OPN4: variants seen among roughly 807,000 people sequenced by gnomAD.
OPN4 encodes the protein opsin 4, also known as melanopsin.
A neutral mutation model predicts 49.5 loss-of-function variants in OPN4; 43 were observed. That is an observed-to-expected ratio of 0.87 (90% CI 0.68 to 1.12). OPN4 has a LOEUF of 1.12. OPN4 is among the 50% of genes most tolerant of loss of function. The pLI, the probability that OPN4 is intolerant of heterozygous loss-of-function variation, is 0.00. For synonymous variants in OPN4, 263 were observed against 258.0 expected (o/e 1.02, Z -0.19); for missense variants, 657 against 643.9 (o/e 1.02, Z -0.22).
chr10:86,659,681 G>A (rs1246198362), intron 5 of OPN4, among the ~76,000 whole-genome samples: 3 of 152,218 alleles, frequency 2.0e-5, no homozygotes, highest in African/African-American at 7.2e-5. Flanking sequence ...AGAGGGAGGA[G>A]AGAAGGCACA....
chr10:86,660,943 A>G (rs781689558), intron 6 of OPN4, among the ~76,000 whole-genome samples: 1 of 152,192 alleles, frequency 6.6e-6, no homozygotes, highest in Non-Finnish European at 1.5e-5. Flanking sequence ...CCTGGCCAAA[A>G]TGGTGAAACC....
At chr10:86,657,364 G>A (rs1236495093) in intron 2 of OPN4, 2 of 664,778 alleles carry the variant, frequency 3.0e-6, no homozygotes, top group Non-Finnish European at 2.8e-6. Context: ...TAGATGCAAA[G>A]ATGGATGATG....
rs551279199 is a variant in OPN4 at position 86,666,009 on chromosome 10, C to T, written c.*258C>T. The stretch of plus-strand genomic sequence containing the variant: ...CAGCCTGAGGGGTATGTGCCCAGGC[C>T]CTCCCACTTCCCGAGTTGTCTGCCT... On this transcript the variant is annotated 3_prime_UTR_variant, in exon 10 of 10. Coordinates refer to ENST00000241891, the MANE Select transcript of OPN4 (RefSeq NM_033282.4). 27 of 528,090 alleles carry T rather than the reference C, an allele frequency of 5.1e-5. No homozygotes were observed. The highest frequency in any genetic ancestry group is 4.2e-4 in the African/African-American group (22 of 52,188). The allele number at this position is 528,090 out of a possible 1,614,324, so 32.7% of individuals were successfully genotyped here.
At chr10:86,664,932 C>T (rs925805661) in intron 9 of OPN4, among the ~76,000 whole-genome samples, 4 of 152,188 alleles carry the variant, frequency 2.6e-5, no homozygotes, top group East Asian at 1.9e-4. Flanking sequence ...ATGTGATAAG[C>T]GCTGCCATTG....
intron 9 of OPN4, among the ~76,000 whole-genome samples, chr10:86,665,087 G>C (rs1448939678): frequency 6.6e-6 from 1 of 152,180 alleles, no homozygotes; most frequent in Non-Finnish European, 1.5e-5. Flanking sequence ...CAGCCTGTGT[G>C]ACTGTGCAAA....
In OPN4 at chr10:86,661,319, C is replaced by T. The variant is rs772828838; in HGVS notation, c.1004C>T (p.Pro335Leu). 2 of 1,614,090 alleles carry T rather than the reference C, an allele frequency of 1.2e-6. No homozygotes were observed. The highest frequency in any genetic ancestry group is 4.5e-5 in the East Asian group (2 of 44,874). Reference sequence around the variant, plus strand: ...CTGACACCCTACATGAGCTCGGTGCCAGCCGTCATCGCCAAGGCCTCTGCA... The same window carrying T: ...CTGACACCCTACATGAGCTCGGTGCTAGCCGTCATCGCCAAGGCCTCTGCA... ...HVLTPYMSSV[P>L]AVIAKASAIH... Residue 335 changes from proline (P) to leucine (L), a missense_variant, in exon 7 of 10, where the codon CCA becomes CTA. Transcript: ENST00000241891.
chr10:86,659,518 G>A, intron 5 of OPN4, 50 bp downstream of exon 5: 1 of 1,582,154 alleles, frequency 6.3e-7, no homozygotes, highest in Non-Finnish European at 8.6e-7. Flanking sequence ...CGGCCCCTCG[G>A]CCAGGCGGCC....
chr10:86,662,130 C>T (rs71473271), intron 7 of OPN4, 122 bp from the exon 8 acceptor site: 2 of 786,046 alleles, frequency 2.5e-6, no homozygotes. Flanking sequence ...GTCTGAGCCT[C>T]CCCATTTCCC....
At chr10:86,658,438 C>T (rs1035443255) in intron 3 of OPN4, 46 bp from the exon 4 acceptor site, 1 of 1,597,776 alleles carries the variant, frequency 6.3e-7, no homozygotes, top group Non-Finnish European at 8.6e-7. Context: ...CTACCCTGTC[C>T]CCAGACCCTC....
Position 86,657,246 on chromosome 10 carries a change from G to A in OPN4, c.291-786G>A, listed in dbSNP as rs377499453. 93 of 779,918 alleles carry A rather than the reference G, an allele frequency of 1.2e-4. 1 individual carries two copies. Among genetic ancestry groups the A allele is most frequent in the Middle Eastern group, 6.7e-4 (3 of 4,462 alleles). 48.3% of individuals were successfully genotyped at this position (779,918 alleles called of 1,614,324 possible). A position where few individuals can be genotyped will look rare whatever the true frequency, so the allele number is the denominator to read the frequency against. ...TGATGCAGTAAGTTCACGGATGTGC[G>A]TTGCCCCACAGATGAGCCACTTACT... On this transcript the variant is annotated intron_variant, in intron 2 of 9. Transcript: ENST00000241891.
intron 1 of OPN4, among the ~76,000 whole-genome samples, chr10:86,655,441 C>T (rs1298771574): frequency 1.3e-5 from 2 of 152,176 alleles, no homozygotes; most frequent in Non-Finnish European, 2.9e-5. Flanking sequence ...GATGGGAAGG[C>T]TCCGGTAGCT....
chr10:86,663,716 C>T lies in OPN4; in HGVS notation c.1312C>T (p.Arg438Trp), dbSNP rs767019152. 7 of 1,576,874 alleles carry T rather than the reference C, an allele frequency of 4.4e-6. No homozygotes were observed. Among genetic ancestry groups the T allele is most frequent in the South Asian group, 2.4e-5 (2 of 84,870 alleles). Reference sequence around the variant, plus strand: ...GGGAGCTGCCCAGCAAGCAAATGGGCGGTCCCTCTACGGTCAGGGTCTGGA... The same window carrying T: ...GGGAGCTGCCCAGCAAGCAAATGGGTGGTCCCTCTACGGTCAGGGTCTGGA... The part of the protein sequence containing the change: ...VWGAAQQANG[R>W]SLYGQGLEDL... The change falls in exon 9 of 10, where the codon CGG becomes TGG. Residue 438 changes from arginine to tryptophan, a missense_variant. By Grantham distance (101) the Arg-to-Trp change is moderately radical. Coordinates refer to ENST00000241891, the MANE Select transcript of OPN4 (RefSeq NM_033282.4).
At chr10:86,659,770 G>T in intron 5 of OPN4, 125 bp from the exon 6 acceptor site, 1 of 1,040,202 alleles carries the variant, frequency 9.6e-7, no homozygotes, top group Non-Finnish European at 1.4e-6. Context: ...GCCTGCACTG[G>T]AAGGAATGAC....
At chr10:86,664,154 G>T (rs1346233807) in intron 9 of OPN4, among the ~76,000 whole-genome samples, 1 of 152,222 alleles carries the variant, frequency 6.6e-6, no homozygotes, top group African/African-American at 2.4e-5. Flanking sequence ...GAGCATGTGT[G>T]TGGCCATGTG....
rs145925376 is a variant in OPN4 at position 86,656,043 on chromosome 10, T to A, written c.145-112T>A. On this transcript the variant is annotated intron_variant, in intron 1 of 9. Coordinates refer to ENST00000241891, the MANE Select transcript of OPN4 (RefSeq NM_033282.4). Reference sequence around the variant, plus strand: ...GTGTGTGCAACTGGCTTTGCCACTCTGAGCCTCAGTTTTCCCACCTGCCCT... The same window carrying A: ...GTGTGTGCAACTGGCTTTGCCACTCAGAGCCTCAGTTTTCCCACCTGCCCT... 331 of 1,413,856 alleles carry A rather than the reference T, an allele frequency of 2.3e-4. 1 individual carries two copies. The East Asian group carries it at 6.8e-3, about 29-fold the overall frequency. The allele number at this position is 1,413,856 out of a possible 1,614,324, so 87.6% of individuals were successfully genotyped here.
chr10:86,663,669 AC>A lies in OPN4; in HGVS notation c.1266del (p.His422GlnfsTer49). On this transcript the variant is annotated frameshift_variant, in exon 9 of 10. Transcript: ENST00000241891. LOFTEE classifies it high-confidence loss of function. Reference protein sequence around the residue: ...LGSESEVGWTHMEAAAVWGAA... With the variant: ...LGSESEVGWTXMEAAAVWGAA... The stretch of plus-strand genomic sequence containing the variant: ...TCTCACCTCCCTCAGGGCTGGACAC[AC>A]ATGGAGGCAGCAGCTGTGTGGGGAG... 1 of 1,544,878 alleles carries A rather than the reference AC, an allele frequency of 6.5e-7. No individual in the cohort carries two copies.
intron 9 of OPN4, among the ~76,000 whole-genome samples, chr10:86,664,800 G>A (rs148989481): frequency 1.1e-4 from 17 of 152,274 alleles, no homozygotes; most frequent in Non-Finnish European, 2.1e-4. Context: ...TGCCATAAAC[G>A]CCAGGACAAA....
chr10:86,658,538 C>G lies in OPN4; in HGVS notation c.479C>G (p.Thr160Ser), dbSNP rs1349428749. 1 of 1,614,236 alleles carries G rather than the reference C, an allele frequency of 6.2e-7. No individual in the cohort carries two copies. The highest frequency in any genetic ancestry group is 1.7e-5 in the Admixed American group (1 of 60,026). The stretch of plus-strand genomic sequence containing the variant: ...CTCTTTGGCATTTCCTCCATGATCA[C>G]CCTGACGGCCATCGCCCTGGACCGC... ...GALFGISSMI[T>S]LTAIALDRYL... Residue 160 changes from threonine to serine, a missense_variant, in exon 4 of 10, where the codon ACC becomes AGC. Transcript: ENST00000241891.
Position 86,658,584 on chromosome 10 carries a change from G to C in OPN4, c.525G>C (p.Pro175=). The C allele has an allele frequency of 6.2e-7, 1 of 1,614,156 alleles. No homozygotes were observed. The highest frequency in any genetic ancestry group is 8.5e-7 in the Non-Finnish European group (1 of 1,180,038). The change falls in exon 4 of 10, where the codon CCG becomes CCC. Residue 175 remains proline (P), a synonymous_variant. Transcript: ENST00000241891. ...ACCGCTACCTGGTAATCACACGCCCGCTGGCCACCTTTGGTGTGGCGTCCA... is the reference window on the plus strand; with the variant it reads ...ACCGCTACCTGGTAATCACACGCCCCCTGGCCACCTTTGGTGTGGCGTCCA... ...ALDRYLVITR[P]LATFGVASKR... is the part of the protein sequence containing the mutation.
Sources: gnomAD v4.1 joint callset for allele counts (sites outside exome capture counted in the v4.1 genomes callset) on GRCh38, gnomAD v4.1.1 for gene constraint, MANE v1.5 for transcripts, NCBI Gene and HGNC (gene_info 2026-07-23, HGNC 2026-07-21) for gene names.